The following RPGRIP1L variants were observed in gnomAD, a reference collection of about 807,000 sequenced individuals.
RPGRIP1L encodes RPGRIP1 like.
A neutral mutation model predicts 160.4 loss-of-function variants in RPGRIP1L; 131 were observed. The ratio of observed to expected loss-of-function variants is 0.82; its 90% CI spans 0.71 to 0.94. The LOEUF (loss-of-function observed/expected upper bound fraction) is 0.94, where lower values mean the gene tolerates loss of function less well. Among genes scored for constraint, RPGRIP1L ranks in the 40% least tolerant of loss-of-function variants. RPGRIP1L has a pLI of 0.00. For synonymous variants in RPGRIP1L, 510 were observed against 515.8 expected, an observed-to-expected ratio of 0.99 and a Z score of 0.15; for missense variants, 1,522 against 1,535.8, an observed-to-expected ratio of 0.99 and a Z score of 0.15.
rs189492241 is a variant in RPGRIP1L at position 53,658,579 on chromosome 16, A to T, written c.1351-115T>A. On this transcript the variant is annotated intron_variant, in intron 11 of 26. Transcript: ENST00000647211. The stretch of plus-strand genomic sequence containing the variant: ...AAACTGACTGATGCCATGAACTAAC[A>T]AACTAAGTCTACAAGACATTCCAGT... The T allele has an allele frequency of 4.2e-4, 390 of 934,300 alleles. No homozygotes were observed. In the African/African-American group the frequency reaches 5.9e-3, roughly 14 times the overall value. The allele number at this position is 934,300 out of a possible 1,614,324, so 57.9% of individuals were successfully genotyped here.
chr16:53,646,277 A>AT (rs1208271247), intron 16 of RPGRIP1L, among the ~76,000 whole-genome samples: 1 of 152,198 alleles, frequency 6.6e-6, no homozygotes, highest in African/African-American at 2.4e-5. Flanking sequence ...AAAAATGTTA[A>AT]TCTGATGTTC....
chr16:53,626,806 CA>C (rs397956424), intron 22 of RPGRIP1L, among the ~76,000 whole-genome samples: 1,450 of 93,800 alleles, frequency 0.015, 10 homozygotes, highest in African/African-American at 0.037. Flanking sequence ...CCCTGTCTCT[CA>C]AAAAAAAAAA....
Position 53,619,100 on chromosome 16 carries a change from G to A in RPGRIP1L, c.3541C>T (p.Leu1181Phe). ...GACACGGGTGTCTCTTCAGCAGGAA[G>A]ACTGTAGAATCGACACTCAACAAAC... ...RLFVECRFYSLPAEETPVSLP... is the reference protein window; with the variant it reads ...RLFVECRFYSFPAEETPVSLP... The change falls in exon 24 of 27, where the codon CTT (leucine) becomes TTT (phenylalanine). Residue 1181 changes from leucine to phenylalanine, a missense_variant. Physicochemically the swap from Leu to Phe is conservative, Grantham distance 22. Transcript: ENST00000647211. The A allele has an allele frequency of 6.2e-7, 1 of 1,614,066 alleles. No homozygotes were observed. Among genetic ancestry groups the A allele is most frequent in the Non-Finnish European group, 8.5e-7 (1 of 1,179,960 alleles).
chr16:53,703,206 T>C (rs940612938), intron 1 of RPGRIP1L: 6 of 151,942 alleles, frequency 3.9e-5, no homozygotes, highest in Non-Finnish European at 7.3e-5. Flanking sequence ...GAGGAGGAGT[T>C]TGCAGTAAGC....
chr16:53,626,336 T>G (rs1965175817), intron 22 of RPGRIP1L, among the ~76,000 whole-genome samples: 1 of 152,138 alleles, frequency 6.6e-6, no homozygotes, highest in Non-Finnish European at 1.5e-5. Flanking sequence ...CAGCATCCTT[T>G]GATACAGGAA....
At chr16:53,700,182 A>C (rs1451080861) in intron 2 of RPGRIP1L, among the ~76,000 whole-genome samples, 2 of 152,266 alleles carry the variant, frequency 1.3e-5, no homozygotes, top group Non-Finnish European at 2.9e-5. Flanking sequence ...AGGATAAAGA[A>C]AACCTTTAAT....
At chr16:53,696,096 T>C (rs1483074847) in intron 3 of RPGRIP1L, 55 bp downstream of exon 3, 2 of 1,550,738 alleles carry the variant, frequency 1.3e-6, no homozygotes, top group South Asian at 1.1e-5. Context: ...TAAAATACCA[T>C]ACCCTCCAAA....
chr16:53,634,815 C>T lies in RPGRIP1L; in HGVS notation c.3294+1624G>A, dbSNP rs184969028. Among the ~76,000 whole-genome samples, 141 of 152,290 alleles carry T rather than the reference C, an allele frequency of 9.3e-4. No individual in the cohort carries two copies. The East Asian group carries it at 0.022, about 24-fold the overall frequency. On this transcript the variant is annotated intron_variant, in intron 22 of 26. Coordinates refer to ENST00000647211, the MANE Select transcript of RPGRIP1L (RefSeq NM_015272.5). ...ACTGTGAGCCAAATAAACCACTTTT[C>T]TTTGTAAATTACCCAGCCTCAGGTA...
At chr16:53,650,193 A>C (rs2151109572) in intron 15 of RPGRIP1L, among the ~76,000 whole-genome samples, 1 of 152,246 alleles carries the variant, frequency 6.6e-6, no homozygotes. Context: ...ATCCACCCTC[A>C]TGAGTAGGAT....
chr16:53,675,187 T>C (rs1969062222), intron 6 of RPGRIP1L, 65 bp from the exon 7 acceptor site: 14 of 1,012,368 alleles, frequency 1.4e-5, no homozygotes, highest in Non-Finnish European at 2.2e-5. Flanking sequence ...AGAAAATCTA[T>C]GGTGGAATCA....
intron 6 of RPGRIP1L, among the ~76,000 whole-genome samples, chr16:53,677,875 G>A (rs1367443858): frequency 6.6e-6 from 1 of 152,084 alleles, no homozygotes; most frequent in East Asian, 1.9e-4. Flanking sequence ...TACACACTAT[G>A]ACAGGAATAC....
At chr16:53,630,782 T>C (rs1338768451) in intron 22 of RPGRIP1L, among the ~76,000 whole-genome samples, 1 of 152,204 alleles carries the variant, frequency 6.6e-6, no homozygotes, top group East Asian at 1.9e-4. Context: ...TTGCCCAGGC[T>C]GGAGTGCAGT....
rs540271362 is a variant in RPGRIP1L at position 53,660,053 on chromosome 16, T to A, written c.1244-1175A>T. 8.5e-5 allele frequency among the ~76,000 whole-genome samples: 13 copies of A among 152,162 alleles called. No homozygotes were observed. In the East Asian group the frequency reaches 2.5e-3, roughly 29 times the overall value. On this transcript the variant is annotated intron_variant, in intron 10 of 26. Transcript: ENST00000647211. ...AGAGTAGAATTTAGAAGATAGCAAA[T>A]TCATAAAGAGACTAATTTTTCACTC...
At chr16:53,645,587 G>C in intron 17 of RPGRIP1L, 38 bp downstream of exon 17, 2 of 1,591,818 alleles carry the variant, frequency 1.3e-6, no homozygotes, top group Non-Finnish European at 1.7e-6. Flanking sequence ...ATTTTGTTTT[G>C]TTTTTACAAT....
intron 7 of RPGRIP1L, among the ~76,000 whole-genome samples, chr16:53,674,269 T>A (rs1187830325): frequency 6.6e-6 from 1 of 152,200 alleles, no homozygotes; most frequent in East Asian, 1.9e-4. Context: ...ATCAATCTAC[T>A]GCCCTCCTTG....
At chr16:53,674,804 A>C (rs1341182737) in intron 7 of RPGRIP1L, among the ~76,000 whole-genome samples, 1 of 152,162 alleles carries the variant, frequency 6.6e-6, no homozygotes, top group Non-Finnish European at 1.5e-5. Flanking sequence ...TATTTATAAA[A>C]AGTCCAAGCA....
At position 53,669,813 on chromosome 16, in the gene RPGRIP1L, A is replaced by T. The variant is rs1212512684; in HGVS notation, c.1103+1697T>A. 2.0e-5 allele frequency among the ~76,000 whole-genome samples: 3 copies of T among 152,174 alleles called. No homozygotes were observed. The East Asian group carries it at 5.8e-4, about 29-fold the overall frequency. ...ATGAATGTTTCCCTTCCACATATGC[A>T]ATTTTCCAATGCAATTAAAATCAGA... On this transcript the variant is annotated intron_variant, in intron 9 of 26. Coordinates refer to ENST00000647211, the MANE Select transcript of RPGRIP1L (RefSeq NM_015272.5).
chr16:53,651,495 T>C (rs976064430), intron 15 of RPGRIP1L, among the ~76,000 whole-genome samples: 17 of 152,170 alleles, frequency 1.1e-4, no homozygotes, highest in Non-Finnish European at 5.9e-5. Context: ...CAATATGATC[T>C]GGCCCCGCCT....
rs544840421 is a variant in RPGRIP1L at position 53,601,744 on chromosome 16, A to C, written c.*332T>G. 1.8e-4 allele frequency: 44 copies of C among 248,590 alleles called. No homozygotes were observed. Among genetic ancestry groups the C allele is most frequent in the Non-Finnish European group, 2.7e-4 (34 of 125,262 alleles). 15.4% of individuals were successfully genotyped at this position (248,590 alleles called of 1,614,324 possible). The stretch of plus-strand genomic sequence containing the variant: ...TTATGCTTTTGCTTATTAAAAATAA[A>C]AATGGGAATTGCATTTCGGTTCTTC... On this transcript the variant is annotated 3_prime_UTR_variant, in exon 27 of 27. Transcript: ENST00000647211.
Sources: gnomAD v4.1 joint callset for allele counts (sites outside exome capture counted in the v4.1 genomes callset) on GRCh38, gnomAD v4.1.1 for gene constraint, MANE v1.5 for transcripts, NCBI Gene and HGNC (gene_info 2026-07-23, HGNC 2026-07-21) for gene names.